ZBTB7C: variants seen among roughly 807,000 people sequenced by gnomAD.
ZBTB7C encodes zinc finger and BTB domain containing 7C.
A neutral mutation model predicts 25.7 loss-of-function variants in ZBTB7C; 8 were observed. The ratio of observed to expected loss-of-function variants is 0.31; its 90% CI spans 0.18 to 0.56. ZBTB7C has a LOEUF of 0.56. Ranked by LOEUF, ZBTB7C falls within the 20% of genes least tolerant of loss-of-function variation. The pLI is 0.91. For missense variants in ZBTB7C, 824 were observed against 855.2 expected (o/e 0.96, Z 0.46); for synonymous variants, 394 against 369.0 (o/e 1.07, Z -0.78).
intron 3 of ZBTB7C, among the ~76,000 whole-genome samples, chr18:48,152,298 T>G (rs1163831820): frequency 2.0e-5 from 3 of 152,122 alleles, no homozygotes; most frequent in Admixed American, 6.5e-5. Context: ...TTCATCAAAT[T>G]TTCAAGAAAG....
chr18:48,044,669 C>T (rs1021041054), intron 3 of ZBTB7C, among the ~76,000 whole-genome samples: 1 of 152,248 alleles, frequency 6.6e-6, no homozygotes, highest in African/African-American at 2.4e-5. Context: ...CCTGTCCCAC[C>T]TCCTTGGCCC....
chr18:48,367,625 T>C (rs1215101352), intron 1 of ZBTB7C, among the ~76,000 whole-genome samples: 1 of 151,670 alleles, frequency 6.6e-6, no homozygotes, highest in Non-Finnish European at 1.5e-5. Context: ...TGTTGGACAA[T>C]AACTGCTCTA....
At chr18:48,151,541 C>T (rs76710853) in intron 3 of ZBTB7C, among the ~76,000 whole-genome samples, 6,023 of 152,240 alleles carry the variant, frequency 0.04, 131 homozygotes, top group Middle Eastern at 0.085. Context: ...GATAAGGAAA[C>T]GGAGGCTGGA....
chr18:48,242,651 C>G (rs1413403620), intron 2 of ZBTB7C, among the ~76,000 whole-genome samples: 2 of 152,096 alleles, frequency 1.3e-5, no homozygotes, highest in African/African-American at 4.8e-5. Context: ...ATCTAGCATC[C>G]CTTTATGACT....
intron 3 of ZBTB7C, among the ~76,000 whole-genome samples, chr18:48,128,419 G>A (rs1224942912): frequency 6.6e-6 from 1 of 152,206 alleles, no homozygotes; most frequent in African/African-American, 2.4e-5. Context: ...AATGTCTGCT[G>A]GCCGGTTCAC....
chr18:48,367,198 T>TAC (rs1457388698), intron 1 of ZBTB7C, among the ~76,000 whole-genome samples: 44 of 60,960 alleles, frequency 7.2e-4, no homozygotes, highest in African/African-American at 2.8e-3. Flanking sequence ...TATATATATA[T>TAC]ATATACACAC....
intron 3 of ZBTB7C, among the ~76,000 whole-genome samples, chr18:48,051,238 A>T (rs763783011): frequency 6.6e-6 from 1 of 152,328 alleles, no homozygotes; most frequent in East Asian, 1.9e-4. Context: ...CTGGACTTGA[A>T]GGGTACCGAA....
At chr18:48,130,872 T>A (rs1189476815) in intron 3 of ZBTB7C, among the ~76,000 whole-genome samples, 1 of 152,180 alleles carries the variant, frequency 6.6e-6, no homozygotes, top group Non-Finnish European at 1.5e-5. Context: ...ACTTCTTGGG[T>A]AGGCATGGGC....
In ZBTB7C at chr18:48,389,189, A is replaced by ACTCT. The variant is rs757520664; in HGVS notation, c.-304+20033_-304+20036dup. ...ATGGAGTGATGTTCAGAGCCCTTTA[A>ACTCT]CTCTCTCTCTCTCTCTCTCTCTCTC... On this transcript the variant is annotated intron_variant, in intron 1 of 4. Coordinates refer to ENST00000590800, the MANE Select transcript of ZBTB7C (RefSeq NM_001318841.2). Among the ~76,000 whole-genome samples the ACTCT allele has an allele frequency of 5.9e-4, 38 of 64,120 alleles. 1 individual carries two copies. The highest frequency in any genetic ancestry group is 2.1e-3 in the East Asian group (5 of 2,432). The allele number at this position is 64,120 out of a possible 152,430, so 42.1% of individuals were successfully genotyped here.
At chr18:48,148,269 A>T (rs1172795172) in intron 3 of ZBTB7C, 2 of 150,556 alleles carry the variant, frequency 1.3e-5, no homozygotes, top group Admixed American at 1.3e-4. Flanking sequence ...TCAGCCTCCC[A>T]AAGTGTTGGG....
At chr18:48,345,113 C>A (rs540638406) in intron 1 of ZBTB7C, among the ~76,000 whole-genome samples, 45 of 152,300 alleles carry the variant, frequency 3.0e-4, no homozygotes, top group African/African-American at 1.0e-3. Context: ...AAGGGTCCAG[C>A]GCTTTGGAAG....
At chr18:48,255,406 G>C (rs1406361748) in intron 2 of ZBTB7C, among the ~76,000 whole-genome samples, 1 of 152,156 alleles carries the variant, frequency 6.6e-6, no homozygotes, top group African/African-American at 2.4e-5. Flanking sequence ...AAATTTCTAA[G>C]AGGCCATTGG....
At chr18:48,349,992 C>T (rs868192294) in intron 1 of ZBTB7C, among the ~76,000 whole-genome samples, 1 of 152,220 alleles carries the variant, frequency 6.6e-6, no homozygotes, top group Admixed American at 6.5e-5. Flanking sequence ...CTGCACTGCA[C>T]GGCACTACAC....
chr18:48,304,841 C>CAAAAAAAAAA (rs35398428), intron 2 of ZBTB7C, among the ~76,000 whole-genome samples: 31 of 90,310 alleles, frequency 3.4e-4, no homozygotes, highest in African/African-American at 8.5e-4. Flanking sequence ...GGCTCTACCT[C>CAAAAAAAAAA]AAAAAAAAAA....
intron 3 of ZBTB7C, among the ~76,000 whole-genome samples, chr18:48,113,731 G>A (rs566962470): frequency 4.6e-5 from 7 of 152,340 alleles, no homozygotes; most frequent in Middle Eastern, 3.4e-3. Context: ...GGAGCTTTCC[G>A]GCTGATGGCA....
intron 3 of ZBTB7C, among the ~76,000 whole-genome samples, chr18:48,057,806 T>G (rs1395486073): frequency 6.6e-6 from 1 of 152,192 alleles, no homozygotes; most frequent in Non-Finnish European, 1.5e-5. Context: ...ACACTGGCTG[T>G]CTATCTCATG....
chr18:48,351,014 A>G (rs547228678), intron 1 of ZBTB7C, among the ~76,000 whole-genome samples: 1 of 151,714 alleles, frequency 6.6e-6, no homozygotes, highest in East Asian at 1.9e-4. Flanking sequence ...TATGTATACC[A>G]TTTCCTGTAT....
intron 3 of ZBTB7C, among the ~76,000 whole-genome samples, chr18:48,168,660 G>C (rs1328049556): frequency 1.3e-5 from 2 of 152,170 alleles, no homozygotes; most frequent in African/African-American, 4.8e-5. Context: ...GTAGGTAAGG[G>C]ACACTAGATT....
intron 2 of ZBTB7C, among the ~76,000 whole-genome samples, chr18:48,251,467 C>A (rs759420104): frequency 6.6e-6 from 1 of 152,058 alleles, no homozygotes; most frequent in Non-Finnish European, 1.5e-5. Context: ...CAAAAAGCAG[C>A]CCTCAAATCA....
Sources: allele counts gnomAD v4.1 joint callset (sites outside exome capture counted in the v4.1 genomes callset), GRCh38; gene constraint gnomAD v4.1.1; transcripts MANE v1.5; gene names NCBI Gene and HGNC (gene_info 2026-07-23, HGNC 2026-07-21).